Variants in SH3BP2 observed in about 807,000 individuals in gnomAD.
The protein encoded by SH3BP2 is SH3 domain binding protein 2, also known as SH3 domain-binding protein 2.
A neutral mutation model predicts 56.2 loss-of-function variants in SH3BP2; 38 were observed. That is an observed-to-expected ratio of 0.68 (90% CI 0.52 to 0.89). The LOEUF (loss-of-function observed/expected upper bound fraction) is 0.89, where lower values mean the gene tolerates loss of function less well. SH3BP2 is among the 40% of genes least tolerant of loss of function. The pLI, the probability that SH3BP2 is intolerant of heterozygous loss-of-function variation, is 0.00. For missense variants in SH3BP2, 748 were observed against 762.6 expected (o/e 0.98, Z 0.23); for synonymous variants, 346 against 316.7 (o/e 1.09, Z -0.98).
At chr4:2,813,650 C>G (rs1723861831) in intron 1 of SH3BP2, among the ~76,000 whole-genome samples, 3 of 152,162 alleles carry the variant, frequency 2.0e-5, no homozygotes, top group Non-Finnish European at 1.5e-5. Context: ...CTTGACAGGT[C>G]TTGTTGGTCG....
intron 1 of SH3BP2, among the ~76,000 whole-genome samples, chr4:2,805,546 G>T (rs1327175241): frequency 2.0e-5 from 3 of 152,228 alleles, no homozygotes; most frequent in African/African-American, 7.2e-5. Context: ...CCTGGTGCCA[G>T]TGTCACACTG....
intron 1 of SH3BP2, among the ~76,000 whole-genome samples, chr4:2,794,665 G>T (rs1174619789): frequency 6.6e-6 from 1 of 152,262 alleles, no homozygotes; most frequent in Non-Finnish European, 1.5e-5. Context: ...GTGCTGACAG[G>T]GGACCTGGCC....
intron 3 of SH3BP2, chr4:2,823,465 G>T (rs758874555): frequency 2.2e-6 from 1 of 458,268 alleles, no homozygotes; most frequent in South Asian, 1.5e-5. Context: ...CCTGCTCCAG[G>T]GTCCTCCCAG....
intron 1 of SH3BP2, among the ~76,000 whole-genome samples, chr4:2,808,014 C>T (rs1289184365): frequency 6.6e-6 from 1 of 152,190 alleles, no homozygotes; most frequent in African/African-American, 2.4e-5. Flanking sequence ...GCAGTTCATC[C>T]TGGGGAAGGA....
rs374127863 is a variant in SH3BP2 at position 2,820,595 on chromosome 4, C to T, written c.-4-19C>T. The T allele has an allele frequency of 1.2e-6, 2 of 1,614,118 alleles. No homozygotes were observed. The highest frequency in any genetic ancestry group is 4.5e-5 in the East Asian group (2 of 44,888). ...TGCCTGACCGTAGCTGAGCCACGTG[C>T]CTTTGTCCTTTATTGCAGCTTCATG... On this transcript the variant is annotated intron_variant, in intron 1 of 12. Transcript: ENST00000503393.
At chr4:2,812,346 C>T (rs1723782088) in intron 1 of SH3BP2, 2 of 1,550,082 alleles carry the variant, frequency 1.3e-6, no homozygotes, top group Admixed American at 3.9e-5. Context: ...GCGCGTCAGG[C>T]CTCACATGTC....
chr4:2,810,388 TC>T lies in SH3BP2; in HGVS notation c.-4-10225del, dbSNP rs1211839214. On this transcript the variant is annotated intron_variant, in intron 1 of 12. Transcript: ENST00000503393. The surrounding 1 kb of genome is among the most constrained non-coding windows in gnomAD (Gnocchi z 4.2). Reference sequence around the variant, plus strand: ...GCCTGGGCCAGGGTCAGGTGGGTCTTCTGCTTGCTTCTGCCTCTGCCGAGTC... The same window carrying T: ...GCCTGGGCCAGGGTCAGGTGGGTCTTTGCTTGCTTCTGCCTCTGCCGAGTC... Among the ~76,000 whole-genome samples the T allele has an allele frequency of 6.6e-6, 1 of 151,368 alleles. No homozygotes were observed. Among genetic ancestry groups the T allele is most frequent in the Non-Finnish European group, 1.5e-5 (1 of 67,854 alleles).
intron 4 of SH3BP2, 95 bp from the exon 5 acceptor site, chr4:2,825,027 TGGGA>T: frequency 8.5e-7 from 1 of 1,172,908 alleles, no homozygotes; most frequent in Non-Finnish European, 1.2e-6. Flanking sequence ...CCTCTGACCT[TGGGA>T]GTCACAGCAG....
intron 1 of SH3BP2, among the ~76,000 whole-genome samples, chr4:2,794,777 C>T (rs1437134042): frequency 1.3e-5 from 2 of 152,190 alleles, no homozygotes; most frequent in African/African-American, 4.8e-5. Flanking sequence ...CCTGCCTTGG[C>T]CCTTTCTGCC....
In SH3BP2 at chr4:2,805,217, G is replaced by C. The variant is rs569440914; in HGVS notation, c.-5+12079G>C. Among the ~76,000 whole-genome samples the C allele has an allele frequency of 3.9e-5, 6 of 152,350 alleles. No individual in the cohort carries two copies. In the South Asian group the frequency reaches 8.3e-4, roughly 21 times the overall value. On this transcript the variant is annotated intron_variant, in intron 1 of 12. Transcript: ENST00000503393. ...TAAGCACACCCCCTGGGCCCGGAGGGTCAGCAGCCAGGCTGGTGTGGGCGT... is the reference window on the plus strand; with the variant it reads ...TAAGCACACCCCCTGGGCCCGGAGGCTCAGCAGCCAGGCTGGTGTGGGCGT...
intron 3 of SH3BP2, 106 bp from the exon 4 acceptor site, chr4:2,824,507 G>C: frequency 1.2e-6 from 1 of 854,382 alleles, no homozygotes; most frequent in Non-Finnish European, 2.0e-6. Flanking sequence ...GCCCTCTTCC[G>C]TTGGGGCGTG....
intron 1 of SH3BP2, among the ~76,000 whole-genome samples, 176 bp downstream of exon 1, chr4:2,793,314 A>G (rs997547690): frequency 2.6e-5 from 2 of 77,970 alleles, no homozygotes; most frequent in Admixed American, 1.3e-4. Context: ...GTCTCGGGGG[A>G]GTCTCCGGGG....
Position 2,834,033 on chromosome 4 carries a change from C to G in SH3BP2, c.*199C>G. ...CTAGGGCTGAACCAGGCGCCAGGCT[C>G]CAGAGGACGAAGGGACTCTGTTGCC... On this transcript the variant is annotated 3_prime_UTR_variant, in exon 13 of 13. Transcript: ENST00000503393. 1.6e-6 allele frequency: 1 copy of G among 632,790 alleles called. No homozygotes were observed. 39.2% of individuals were successfully genotyped at this position (632,790 alleles called of 1,614,324 possible). A position where few individuals can be genotyped will look rare whatever the true frequency, so the allele number is the denominator to read the frequency against.
intron 1 of SH3BP2, chr4:2,799,343 G>T: frequency 2.0e-6 from 2 of 975,980 alleles, no homozygotes; most frequent in Non-Finnish European, 2.4e-6. Context: ...TGGAGGGAGG[G>T]GCAGTGGCCA....
intron 3 of SH3BP2, 85 bp from the exon 4 acceptor site, chr4:2,824,528 C>T (rs917035743): frequency 1.2e-5 from 12 of 1,001,638 alleles, no homozygotes; most frequent in East Asian, 4.7e-5. Flanking sequence ...GTGCTGGTGC[C>T]GAGACGTGTT....
chr4:2,820,150 G>A (rs1226493830), intron 1 of SH3BP2, among the ~76,000 whole-genome samples: 1 of 152,234 alleles, frequency 6.6e-6, no homozygotes, highest in East Asian at 1.9e-4. Context: ...CAGGTCGTTT[G>A]AGCTGGGTGC....
In SH3BP2 at chr4:2,833,865, A is replaced by G. The variant is rs1725138046; in HGVS notation, c.*31A>G. The G allele has an allele frequency of 5.2e-6, 8 of 1,540,298 alleles. No individual in the cohort carries two copies. Among genetic ancestry groups the G allele is most frequent in the Non-Finnish European group, 7.0e-6 (8 of 1,144,114 alleles). On this transcript the variant is annotated 3_prime_UTR_variant, in exon 13 of 13. Transcript: ENST00000503393. ...GTCCATGTGGCTGCCAGGCCAAGGC[A>G]GTCACAGGGGCCCTGACCCCAGGCC...
chr4:2,818,914 G>A (rs1724150605), intron 1 of SH3BP2: 2 of 984,834 alleles, frequency 2.0e-6, no homozygotes, highest in Non-Finnish European at 2.4e-6. Context: ...TAAAAGCAGA[G>A]AGTATTTTTC....
At chr4:2,800,827 C>T (rs940856375) in intron 1 of SH3BP2, among the ~76,000 whole-genome samples, 3 of 152,106 alleles carry the variant, frequency 2.0e-5, no homozygotes, top group Admixed American at 1.3e-4. Context: ...GAAGGCCAGG[C>T]GGGAGTTTGC....
Sources: gnomAD v4.1 joint callset for allele counts (sites outside exome capture counted in the v4.1 genomes callset) on GRCh38, gnomAD v4.1.1 for gene constraint, Gnocchi (gnomAD v3.1) non-coding constraint, MANE v1.5 for transcripts, NCBI Gene and HGNC (gene_info 2026-07-23, HGNC 2026-07-21) for gene names.